PRKAR2B: variants seen among roughly 807,000 people sequenced by gnomAD.
The protein encoded by PRKAR2B is cAMP-dependent protein kinase type II-beta regulatory subunit.
In PRKAR2B, 14 loss-of-function variants were observed where a neutral mutation model predicts 49.9. The observed-to-expected ratio is 0.28, with a 90% CI of 0.19 to 0.44. The LOEUF (loss-of-function observed/expected upper bound fraction) is 0.44, where lower values mean the gene tolerates loss of function less well. PRKAR2B is among the 20% of genes least tolerant of loss of function. The pLI is 1.00. For synonymous variants in PRKAR2B, 196 were observed against 197.7 expected (o/e 0.99, Z 0.07); for missense variants, 393 against 537.9 (o/e 0.73, Z 2.67).
intron 6 of PRKAR2B, among the ~76,000 whole-genome samples, chr7:107,147,399 C>T (rs576983005): frequency 6.6e-6 from 1 of 152,172 alleles, no homozygotes; most frequent in Non-Finnish European, 1.5e-5. Context: ...CTTTTAAATA[C>T]ATTTCTTAAT....
chr7:107,052,870 G>A (rs1258627517), intron 1 of PRKAR2B, among the ~76,000 whole-genome samples: 1 of 152,118 alleles, frequency 6.6e-6, no homozygotes, highest in African/African-American at 2.4e-5. Context: ...TTGCTCTGTT[G>A]CCCAGGCTGG....
chr7:107,070,710 C>T (rs1794248629), intron 2 of PRKAR2B, among the ~76,000 whole-genome samples: 1 of 152,086 alleles, frequency 6.6e-6, no homozygotes, highest in Non-Finnish European at 1.5e-5. Flanking sequence ...ACCTTAGAAA[C>T]AGTGATAATT....
chr7:107,119,040 G>A (rs915470394), intron 2 of PRKAR2B, among the ~76,000 whole-genome samples: 6 of 152,024 alleles, frequency 3.9e-5, no homozygotes, highest in African/African-American at 1.5e-4. Context: ...AAATCAACAG[G>A]GTGTTAAGTA....
At chr7:107,056,155 G>T (rs1562841535) in intron 1 of PRKAR2B, among the ~76,000 whole-genome samples, 1 of 152,184 alleles carries the variant, frequency 6.6e-6, no homozygotes, top group Non-Finnish European at 1.5e-5. Context: ...TGAGGGCTCT[G>T]TTCTGTTCCA....
At chr7:107,114,528 ATT>A (rs761914948) in intron 2 of PRKAR2B, among the ~76,000 whole-genome samples, 2,077 of 131,500 alleles carry the variant, frequency 0.016, 18 homozygotes, top group African/African-American at 0.036. Context: ...TGCCCGGTTA[ATT>A]TTTTTTTTTT....
At position 107,084,232 on chromosome 7, in the gene PRKAR2B, A is replaced by G. The variant is rs1016745418; in HGVS notation, c.343+13916A>G. Among the ~76,000 whole-genome samples, 178 of 152,138 alleles carry G rather than the reference A, an allele frequency of 1.2e-3. 4 individuals are homozygous for G. Among genetic ancestry groups the G allele is most frequent in the Admixed American group, 0.012 (178 of 15,264 alleles). ...GTGCTTTTTTGGTAACAAGTTTTTT[A>G]CATTTTAAAGTTGTTCTTTATATTT... is the stretch of plus-strand genomic sequence containing the variant. On this transcript the variant is annotated intron_variant, in intron 2 of 10. Transcript: ENST00000265717.
intron 3 of PRKAR2B, among the ~76,000 whole-genome samples, chr7:107,126,445 T>C (rs79159661): frequency 8.5e-6 from 1 of 117,264 alleles, no homozygotes; most frequent in Non-Finnish European, 1.8e-5. Flanking sequence ...AAAAAAAAAG[T>C]CGTCATTGGT....
intron 2 of PRKAR2B, among the ~76,000 whole-genome samples, chr7:107,106,339 C>T (rs1017849370): frequency 6.6e-6 from 1 of 152,150 alleles, no homozygotes; most frequent in East Asian, 1.9e-4. Flanking sequence ...ATGGCTCGGC[C>T]TTGGTTATGA....
intron 2 of PRKAR2B, among the ~76,000 whole-genome samples, chr7:107,108,080 A>G (rs899506377): frequency 1.3e-5 from 2 of 152,170 alleles, no homozygotes; most frequent in Non-Finnish European, 2.9e-5. Context: ...GACAAAGACC[A>G]ACAACCCTAA....
At chr7:107,151,898 G>A (rs1209982967) in intron 7 of PRKAR2B, among the ~76,000 whole-genome samples, 5 of 152,164 alleles carry the variant, frequency 3.3e-5, no homozygotes, top group Non-Finnish European at 7.3e-5. Context: ...TGTAAGTCAG[G>A]GACCACCTGT....
intron 10 of PRKAR2B, among the ~76,000 whole-genome samples, chr7:107,158,732 T>C (rs1796143860): frequency 6.6e-6 from 1 of 152,200 alleles, no homozygotes; most frequent in East Asian, 1.9e-4. Flanking sequence ...ATTTGTACAC[T>C]ACTAGCAGTG....
At position 107,068,734 on chromosome 7, in the gene PRKAR2B, A is replaced by C. The variant is rs553676560; in HGVS notation, c.308-1547A>C. 5 of 152,314 alleles carry C rather than the reference A, an allele frequency of 3.3e-5. No homozygotes were observed. In the East Asian group the frequency reaches 9.7e-4, roughly 29 times the overall value. 9.4% of individuals were successfully genotyped at this position (152,314 alleles called of 1,614,324 possible). Reference sequence around the variant, plus strand: ...TTAATCATAATGAAGATCATGAAGGAAGATAATATTCACCTCTTATTGTAT... The same window carrying C: ...TTAATCATAATGAAGATCATGAAGGCAGATAATATTCACCTCTTATTGTAT... On this transcript the variant is annotated intron_variant, in intron 1 of 10. Coordinates refer to ENST00000265717, the MANE Select transcript of PRKAR2B (RefSeq NM_002736.3).
intron 2 of PRKAR2B, among the ~76,000 whole-genome samples, chr7:107,103,156 A>T (rs1431016774): frequency 1.6e-4 from 24 of 152,332 alleles, no homozygotes; most frequent in Non-Finnish European, 5.9e-5. Flanking sequence ...TCAAAATTTT[A>T]AAATTTAATA....
At chr7:107,059,155 G>A (rs1432958121) in intron 1 of PRKAR2B, among the ~76,000 whole-genome samples, 1 of 152,108 alleles carries the variant, frequency 6.6e-6, no homozygotes, top group Admixed American at 6.5e-5. Flanking sequence ...GGATGTAATG[G>A]CACATGCCTG....
chr7:107,140,760 C>T, intron 4 of PRKAR2B, 87 bp from the exon 5 acceptor site: 1 of 909,700 alleles, frequency 1.1e-6, no homozygotes, highest in Non-Finnish European at 1.7e-6. Flanking sequence ...TTTCTTTGGA[C>T]TTGTTCACAG....
chr7:107,112,022 A>T (rs1795183157), intron 2 of PRKAR2B, among the ~76,000 whole-genome samples: 1 of 149,080 alleles, frequency 6.7e-6, no homozygotes, highest in Non-Finnish European at 1.5e-5. Context: ...AAAAAAAAAA[A>T]AAAAAGCCAG....
At chr7:107,112,756 A>G (rs1795200432) in intron 2 of PRKAR2B, among the ~76,000 whole-genome samples, 1 of 152,252 alleles carries the variant, frequency 6.6e-6, no homozygotes, top group East Asian at 1.9e-4. Flanking sequence ...AATGAAAAAA[A>G]CCAGTCTGAA....
chr7:107,063,924 T>C (rs899463895), intron 1 of PRKAR2B, among the ~76,000 whole-genome samples: 1 of 152,224 alleles, frequency 6.6e-6, no homozygotes, highest in Non-Finnish European at 1.5e-5. Flanking sequence ...AAGCAGAACA[T>C]TGGTCTCCAT....
At chr7:107,140,178 T>C (rs1192292985) in intron 4 of PRKAR2B, among the ~76,000 whole-genome samples, 1 of 152,228 alleles carries the variant, frequency 6.6e-6, no homozygotes, top group Non-Finnish European at 1.5e-5. Flanking sequence ...AATCACACTT[T>C]GACAGAATAA....
Sources: allele counts gnomAD v4.1 joint callset (sites outside exome capture counted in the v4.1 genomes callset), GRCh38; gene constraint gnomAD v4.1.1; transcripts MANE v1.5; gene names NCBI Gene and HGNC (gene_info 2026-07-23, HGNC 2026-07-21).